HLCS: variants seen among roughly 807,000 people sequenced by gnomAD.
HLCS encodes the protein biotin--protein ligase.
A neutral mutation model predicts 75.0 loss-of-function variants in HLCS; 53 were observed. The observed-to-expected ratio is 0.71, with a 90% CI of 0.57 to 0.89. The LOEUF (loss-of-function observed/expected upper bound fraction) is 0.89. HLCS is among the 40% of genes least tolerant of loss of function. The pLI is 0.00. For synonymous variants in HLCS, 431 were observed against 428.6 expected, an observed-to-expected ratio of 1.01 and a Z score of -0.07; for missense variants, 966 against 1,074.0, an observed-to-expected ratio of 0.90 and a Z score of 1.41.
intron 3 of HLCS, among the ~76,000 whole-genome samples, chr21:36,938,132 T>C (rs1036794218): frequency 2.6e-5 from 4 of 152,244 alleles, no homozygotes; most frequent in Non-Finnish European, 5.9e-5. Context: ...GAAATTGTGA[T>C]ACATATATTT....
At chr21:36,947,741 C>T (rs962545354) in intron 2 of HLCS, 3 of 985,298 alleles carry the variant, frequency 3.0e-6, no homozygotes, top group Non-Finnish European at 3.6e-6. Context: ...AGAAGCAGTC[C>T]GGGAGTGAAA....
Position 36,930,259 on chromosome 21 carries a change from C to T in HLCS, c.1612G>A (p.Ala538Thr). The change falls in exon 5 of 11, where the codon GCT becomes ACT. Residue 538 changes from alanine to threonine, a missense_variant. Transcript: ENST00000674895. ...CTGAGCCCACAACTCACCTCCGCAG[C>T]TGACAGCAAGTAAAGAGGAGTTAAG... ...PALTPLYLLS[A>T]AEEIRDPLMQ... The T allele has an allele frequency of 6.2e-7, 1 of 1,614,174 alleles. No homozygotes were observed. The highest frequency in any genetic ancestry group is 1.7e-5 in the Admixed American group (1 of 60,026).
intron 6 of HLCS, among the ~76,000 whole-genome samples, chr21:36,825,363 G>T (rs2061974097): frequency 6.6e-6 from 1 of 152,000 alleles, no homozygotes; most frequent in African/African-American, 2.4e-5. Context: ...ACTCCAGCCT[G>T]GACAACAGAG....
intron 5 of HLCS, among the ~76,000 whole-genome samples, chr21:36,922,638 T>C (rs1601751454): frequency 1.3e-5 from 2 of 152,274 alleles, no homozygotes; most frequent in South Asian, 4.1e-4. Flanking sequence ...CTTCCTGCTT[T>C]CACGAGGAAG....
chr21:36,846,200 T>A (rs1220806974), intron 6 of HLCS, among the ~76,000 whole-genome samples: 1 of 152,222 alleles, frequency 6.6e-6, no homozygotes, highest in Non-Finnish European at 1.5e-5. Flanking sequence ...CAGTAAATGT[T>A]GGCTTTGTAA....
chr21:36,855,292 A>T (rs1330507780), intron 6 of HLCS, among the ~76,000 whole-genome samples: 1 of 152,066 alleles, frequency 6.6e-6, no homozygotes, highest in East Asian at 1.9e-4. Context: ...GCACTTTGGG[A>T]GGCCAAAGCG....
intron 6 of HLCS, among the ~76,000 whole-genome samples, chr21:36,827,896 C>T (rs1042045013): frequency 5.3e-5 from 8 of 150,978 alleles, no homozygotes; most frequent in Admixed American, 2.0e-4. Context: ...TCACTGCAAG[C>T]TCCACCTCCC....
At chr21:36,882,381 C>G (rs2146276105) in intron 6 of HLCS, among the ~76,000 whole-genome samples, 1 of 152,142 alleles carries the variant, frequency 6.6e-6, no homozygotes, top group African/African-American at 2.4e-5. Flanking sequence ...ATCGCACAAG[C>G]TGCTGTGTCA....
chr21:36,983,149 A>G (rs1269760294), intron 1 of HLCS, among the ~76,000 whole-genome samples: 1 of 152,148 alleles, frequency 6.6e-6, no homozygotes, highest in Non-Finnish European at 1.5e-5. Flanking sequence ...TTCAGAATCT[A>G]CCGCTCTTGC....
At chr21:36,976,747 T>TA (rs2068948903) in intron 1 of HLCS, among the ~76,000 whole-genome samples, 1 of 152,200 alleles carries the variant, frequency 6.6e-6, no homozygotes, top group African/African-American at 2.4e-5. Flanking sequence ...TAATAGGTGA[T>TA]AAAAATTAGA....
At chr21:36,958,983 G>C (rs908138124) in intron 2 of HLCS, among the ~76,000 whole-genome samples, 1 of 152,218 alleles carries the variant, frequency 6.6e-6, no homozygotes, top group Non-Finnish European at 1.5e-5. Flanking sequence ...GGCGCGGCCA[G>C]GGATACGCGC....
Position 36,989,721 on chromosome 21 carries a change from G to A in HLCS, c.-393+437C>T, listed in dbSNP as rs182395189. ...TTAGGAAGCCTTTCCCCACACGCAG[G>A]TCCTAGTCAACCGTGCTTTTTAGCG... On this transcript the variant is annotated intron_variant, in intron 1 of 11. Coordinates refer to the HLCS transcript ENST00000336648. 1.6e-4 allele frequency among the ~76,000 whole-genome samples: 24 copies of A among 152,282 alleles called. No individual in the cohort carries two copies. The East Asian group carries it at 1.7e-3, about 11-fold the overall frequency.
chr21:36,787,176 G>T (rs1025543681), intron 6 of HLCS, among the ~76,000 whole-genome samples: 1 of 152,250 alleles, frequency 6.6e-6, no homozygotes, highest in East Asian at 1.9e-4. Context: ...TGGGGCTGTG[G>T]GTGTCGGTGT....
At chr21:36,937,510 G>T (rs1189609199) in intron 3 of HLCS, 118 bp from the exon 4 acceptor site, 10 of 954,026 alleles carry the variant, frequency 1.0e-5, no homozygotes, top group African/African-American at 1.6e-5. Flanking sequence ...TTCCAGGACA[G>T]CCTCTGGCAC....
chr21:36,862,945 CTTTTT>C (rs779603490), intron 6 of HLCS, among the ~76,000 whole-genome samples: 2 of 140,018 alleles, frequency 1.4e-5, no homozygotes, highest in Non-Finnish European at 3.1e-5. Flanking sequence ...CTCTTTCTCT[CTTTTT>C]TTTTTTTTTT....
At chr21:36,814,765 T>C (rs1482956984) in intron 6 of HLCS, among the ~76,000 whole-genome samples, 1 of 152,174 alleles carries the variant, frequency 6.6e-6, no homozygotes, top group East Asian at 1.9e-4. Context: ...TCTGATTGGA[T>C]AGGGTCGTGG....
intron 2 of HLCS, among the ~76,000 whole-genome samples, chr21:36,953,854 A>C (rs1432530413): frequency 6.6e-6 from 1 of 152,180 alleles, no homozygotes; most frequent in Non-Finnish European, 1.5e-5. Context: ...TGTCTCGCCC[A>C]ACGATGGACC....
At position 36,936,608 on chromosome 21, in the gene HLCS, C is replaced by G. The variant is rs548505968; in HGVS notation, c.1278G>C (p.Glu426Asp). 1 of 1,614,232 alleles carries G rather than the reference C, an allele frequency of 6.2e-7. No homozygotes were observed. Among genetic ancestry groups the G allele is most frequent in the East Asian group, 2.2e-5 (1 of 44,876 alleles). Residue 426 changes from glutamate (E) to aspartate (D), a missense_variant, in exon 4 of 11, where the codon GAG becomes GAC. Transcript: ENST00000674895. ...CACTGCTCAAGACGCTGAGCTTCACCTCGCTCTGGTCAGCCTTGGAGAAAA... is the reference window on the plus strand; with the variant it reads ...CACTGCTCAAGACGCTGAGCTTCACGTCGCTCTGGTCAGCCTTGGAGAAAA... ...NLVFSKADQS[E>D]VKLSVLSSGC...
intron 5 of HLCS, 115 bp from the exon 6 acceptor site, chr21:36,897,246 G>C (rs1009267431): frequency 2.5e-5 from 25 of 991,108 alleles, no homozygotes; most frequent in African/African-American, 1.9e-4. Flanking sequence ...TCATGACCAA[G>C]AAAAGCTAGA....
Sources: gnomAD v4.1 joint callset for allele counts (sites outside exome capture counted in the v4.1 genomes callset) on GRCh38, gnomAD v4.1.1 for gene constraint, MANE v1.5 for transcripts, NCBI Gene and HGNC (gene_info 2026-07-23, HGNC 2026-07-21) for gene names.